Variants in PTPRD observed in about 807,000 individuals in gnomAD.
The protein encoded by PTPRD is receptor-type tyrosine-protein phosphatase delta.
In PTPRD, 34 loss-of-function variants were observed where a neutral mutation model predicts 214.5. The observed-to-expected ratio is 0.16, with a 90% CI of 0.12 to 0.21. The LOEUF (loss-of-function observed/expected upper bound fraction) is 0.21, where lower values mean the gene tolerates loss of function less well. Among genes scored for constraint, PTPRD ranks in the 10% least tolerant of loss-of-function variants. The pLI, the probability that PTPRD is intolerant of heterozygous loss-of-function variation, is 1.00. For missense variants in PTPRD, 2,545 were observed against 2,398.7 expected (o/e 1.06, Z -1.27); for synonymous variants, 1,128 against 845.7 (o/e 1.33, Z -5.79).
At chr9:8,670,978 A>G (rs553729247) in intron 12 of PTPRD, among the ~76,000 whole-genome samples, 6 of 152,262 alleles carry the variant, frequency 3.9e-5, no homozygotes, top group Non-Finnish European at 8.8e-5. Context: ...AAGTGTGAGG[A>G]CAAACACAGC....
At position 8,606,493 on chromosome 9, in the gene PTPRD, T is replaced by C. The variant is rs376796145; in HGVS notation, c.352+26824A>G. On this transcript the variant is annotated intron_variant, in intron 14 of 45. Coordinates refer to ENST00000381196, the MANE Select transcript of PTPRD (RefSeq NM_002839.4). Reference sequence around the variant, plus strand: ...GTGCAAGCATCAAGAATCCAGACCATATGATGTATAAAAGAGATGAAATAA... The same window carrying C: ...GTGCAAGCATCAAGAATCCAGACCACATGATGTATAAAAGAGATGAAATAA... 3.9e-4 allele frequency among the ~76,000 whole-genome samples: 59 copies of C among 152,212 alleles called. 2 individuals are homozygous for C. Among genetic ancestry groups the C allele is most frequent in the African/African-American group, 1.4e-3 (57 of 41,522 alleles).
At chr9:9,659,470 G>C (rs1186764227) in intron 7 of PTPRD, among the ~76,000 whole-genome samples, 1 of 151,954 alleles carries the variant, frequency 6.6e-6, no homozygotes, top group Non-Finnish European at 1.5e-5. Flanking sequence ...CTTAACGCCA[G>C]GGCTATACAT....
At chr9:10,482,770 C>T (rs1264208545) in intron 2 of PTPRD, among the ~76,000 whole-genome samples, 1 of 152,064 alleles carries the variant, frequency 6.6e-6, no homozygotes, top group Non-Finnish European at 1.5e-5. Flanking sequence ...GGTGAAAAAT[C>T]TCCAAGGGGA....
intron 30 of PTPRD, among the ~76,000 whole-genome samples, chr9:8,475,902 T>C (rs2096754231): frequency 6.6e-6 from 1 of 152,224 alleles, no homozygotes; most frequent in African/African-American, 2.4e-5. Context: ...TAGCCCCGTC[T>C]AGTGCAGTCT....
intron 11 of PTPRD, among the ~76,000 whole-genome samples, chr9:8,748,748 C>T (rs1175812704): frequency 6.6e-6 from 1 of 151,910 alleles, no homozygotes; most frequent in Non-Finnish European, 1.5e-5. Context: ...CCCATCTCTA[C>T]TAAAAATACA....
At chr9:10,338,624 A>C (rs1006280238) in intron 3 of PTPRD, among the ~76,000 whole-genome samples, 16 of 151,828 alleles carry the variant, frequency 1.1e-4, no homozygotes, top group Admixed American at 4.6e-4. Flanking sequence ...TACCTGGCTA[A>C]AGGAAATGTC....
chr9:10,306,989 T>C (rs1565183337), intron 3 of PTPRD, among the ~76,000 whole-genome samples: 1 of 152,160 alleles, frequency 6.6e-6, no homozygotes, highest in East Asian at 1.9e-4. Context: ...GATATTTTGT[T>C]AGATGCATAG....
At chr9:9,090,149 A>G (rs1465921911) in intron 10 of PTPRD, among the ~76,000 whole-genome samples, 1 of 152,124 alleles carries the variant, frequency 6.6e-6, no homozygotes, top group South Asian at 2.1e-4. Flanking sequence ...TGTGCTATTG[A>G]ACACTGGAAT....
intron 8 of PTPRD, among the ~76,000 whole-genome samples, chr9:9,433,859 T>C (rs1981050): frequency 0.32 from 49,376 of 152,078 alleles, 8,473 homozygotes; most frequent in Middle Eastern, 0.43. Context: ...TAAAGTTGTA[T>C]CTGATAGAGA....
chr9:9,327,222 G>T (rs1355428886), intron 9 of PTPRD, among the ~76,000 whole-genome samples: 1 of 152,080 alleles, frequency 6.6e-6, no homozygotes, highest in Non-Finnish European at 1.5e-5. Context: ...AATCCCATAT[G>T]TAAACAACAA....
At chr9:10,113,917 A>G (rs2098710807) in intron 3 of PTPRD, among the ~76,000 whole-genome samples, 1 of 152,216 alleles carries the variant, frequency 6.6e-6, no homozygotes, top group African/African-American at 2.4e-5. Context: ...ATTTACTGTT[A>G]GCCATAACCT....
chr9:8,376,752 G>A (rs751326078), intron 37 of PTPRD, 26 bp from the exon 38 acceptor site: 1 of 1,610,514 alleles, frequency 6.2e-7, no homozygotes, highest in Non-Finnish European at 8.5e-7. Context: ...GACACATTCA[G>A]GGCAAATGCT....
chr9:9,098,247 G>C (rs1175403840), intron 10 of PTPRD, among the ~76,000 whole-genome samples: 1 of 151,638 alleles, frequency 6.6e-6, no homozygotes, highest in African/African-American at 2.4e-5. Flanking sequence ...CTATTCTTTT[G>C]TCCATAAATA....
At position 10,072,420 on chromosome 9, in the gene PTPRD, G is replaced by A. The variant is rs557875480; in HGVS notation, c.-544-38630C>T. On this transcript the variant is annotated intron_variant, in intron 3 of 45. Transcript: ENST00000381196. ...TTCAAGAATGGAGCCATGGACCTTC[G>A]CAGTGAGCGTTATAGCTCTTCAAGA... 7.9e-5 allele frequency among the ~76,000 whole-genome samples: 12 copies of A among 152,140 alleles called. No individual in the cohort carries two copies. In the East Asian group the frequency reaches 1.7e-3, roughly 22 times the overall value.
At chr9:10,391,203 G>A (rs2098056506) in intron 2 of PTPRD, among the ~76,000 whole-genome samples, 1 of 151,666 alleles carries the variant, frequency 6.6e-6, no homozygotes, top group Non-Finnish European at 1.5e-5. Flanking sequence ...TTATATGGAA[G>A]GCAGAGAGAA....
intron 6 of PTPRD, among the ~76,000 whole-genome samples, chr9:9,764,491 A>C (rs1243770379): frequency 2.0e-5 from 3 of 152,202 alleles, no homozygotes; most frequent in Non-Finnish European, 4.4e-5. Context: ...ATGTGCTTAC[A>C]TAACTCAAAA....
At chr9:9,395,461 T>G (rs1412870088) in intron 9 of PTPRD, among the ~76,000 whole-genome samples, 1 of 152,154 alleles carries the variant, frequency 6.6e-6, no homozygotes, top group Admixed American at 6.6e-5. Flanking sequence ...CAGTTGATTC[T>G]GATATGCAAC....
chr9:10,332,743 G>A (rs2096774104), intron 3 of PTPRD, among the ~76,000 whole-genome samples: 2 of 151,642 alleles, frequency 1.3e-5, no homozygotes, highest in African/African-American at 4.8e-5. Flanking sequence ...AAACAACAGA[G>A]CTGCATTCTG....
intron 14 of PTPRD, among the ~76,000 whole-genome samples, chr9:8,534,704 G>A (rs1481709632): frequency 1.3e-5 from 2 of 151,452 alleles, no homozygotes; most frequent in Admixed American, 6.6e-5. Flanking sequence ...ACTTTTTCAC[G>A]TGTCAGAGAA....
Sources: gnomAD v4.1 joint callset for allele counts (sites outside exome capture counted in the v4.1 genomes callset) on GRCh38, gnomAD v4.1.1 for gene constraint, MANE v1.5 for transcripts, NCBI Gene and HGNC (gene_info 2026-07-23, HGNC 2026-07-21) for gene names.